Variants in RASGEF1A observed in about 807,000 individuals in gnomAD.
RASGEF1A encodes ras-GEF domain-containing family member 1A.
RASGEF1A carries 18 observed loss-of-function variants against 56.4 expected under a neutral mutation model. That is an observed-to-expected ratio of 0.32 (90% CI 0.22 to 0.47). The LOEUF (loss-of-function observed/expected upper bound fraction) is 0.47. Among genes scored for constraint, RASGEF1A ranks in the 20% least tolerant of loss-of-function variants. The probability of loss-of-function intolerance (pLI) is 1.00; values close to 1 mark genes in which losing one functional copy is unlikely to be tolerated. For missense variants in RASGEF1A, 422 were observed against 627.1 expected (o/e 0.67, Z 3.49); for synonymous variants, 245 against 242.6 (o/e 1.01, Z -0.09).
At chr10:43,207,612 C>A (rs988131238) in intron 1 of RASGEF1A, 40 of 985,502 alleles carry the variant, frequency 4.1e-5, no homozygotes, top group Middle Eastern at 5.2e-4. Context: ...AATGTCCAGG[C>A]CCCCAGGCTC....
At chr10:43,205,514 G>GC (rs1200725146) in intron 2 of RASGEF1A, among the ~76,000 whole-genome samples, 1 of 152,172 alleles carries the variant, frequency 6.6e-6, no homozygotes, top group Admixed American at 6.5e-5. Flanking sequence ...TCCCAGCTCA[G>GC]CCCTGGGCTC....
intron 1 of RASGEF1A, among the ~76,000 whole-genome samples, chr10:43,255,166 G>A (rs1439221093): frequency 6.6e-6 from 1 of 152,148 alleles, no homozygotes; most frequent in East Asian, 1.9e-4. Flanking sequence ...GGAATGCCCA[G>A]CAGGAAGGAC....
At chr10:43,237,228 G>A (rs192889677) in intron 1 of RASGEF1A, among the ~76,000 whole-genome samples, 3 of 152,170 alleles carry the variant, frequency 2.0e-5, no homozygotes, top group African/African-American at 7.2e-5. Flanking sequence ...ATGGAAATTG[G>A]AGGCACCAGT....
chr10:43,231,371 T>C (rs1222568983), intron 1 of RASGEF1A, among the ~76,000 whole-genome samples: 2 of 152,224 alleles, frequency 1.3e-5, no homozygotes, highest in African/African-American at 4.8e-5. Context: ...ACCGTAGCCC[T>C]GCAGAACATC....
intron 2 of RASGEF1A, among the ~76,000 whole-genome samples, chr10:43,205,175 G>C (rs370742288): frequency 9.1e-4 from 138 of 152,334 alleles, no homozygotes; most frequent in African/African-American, 3.1e-3. Context: ...TGACAAGCAG[G>C]GCAGGGAGGG....
intron 4 of RASGEF1A, 138 bp from the exon 5 acceptor site, chr10:43,201,026 A>G (rs2133181997): frequency 2.8e-6 from 2 of 722,508 alleles, no homozygotes; most frequent in East Asian, 5.3e-5. Flanking sequence ...CGCAGCCTTC[A>G]GGCCTTCAAG....
intron 1 of RASGEF1A, among the ~76,000 whole-genome samples, chr10:43,228,289 G>A (rs151090288): frequency 1.9e-4 from 29 of 152,056 alleles, no homozygotes; most frequent in African/African-American, 6.8e-4. Context: ...CTGTGCACAC[G>A]TCTCCTCTGG....
chr10:43,200,694 C>T lies in RASGEF1A; in HGVS notation c.654G>A (p.Leu218=). ...GCTCAATGTGAGTCAGCTGCTGGGCCAGCACCAGGGGGTCGCAGCACACGC... is the reference window on the plus strand; with the variant it reads ...GCTCAATGTGAGTCAGCTGCTGGGCTAGCACCAGGGGGTCGCAGCACACGC... ...ILGVCCDPLV[L]AQQLTHIELD... The change falls in exon 5 of 13, where the codon CTG becomes CTA. Residue 218 remains leucine, a synonymous_variant. Transcript: ENST00000395810. 1 of 1,613,076 alleles carries T rather than the reference C, an allele frequency of 6.2e-7. No individual in the cohort carries two copies. Among genetic ancestry groups the T allele is most frequent in the Non-Finnish European group, 8.5e-7 (1 of 1,180,010 alleles).
At chr10:43,247,250 G>T (rs770652353) in intron 1 of RASGEF1A, among the ~76,000 whole-genome samples, 9 of 152,210 alleles carry the variant, frequency 5.9e-5, no homozygotes, top group Non-Finnish European at 1.0e-4. Flanking sequence ...TAATAGAAAA[G>T]ACAGTAATAA....
intron 1 of RASGEF1A, 37 bp from the exon 2 acceptor site, chr10:43,206,159 C>T (rs751030478): frequency 2.1e-5 from 31 of 1,503,176 alleles, no homozygotes; most frequent in Middle Eastern, 4.5e-4. Context: ...GCATCAAAGG[C>T]GCCTCCACAG....
chr10:43,203,879 G>T, intron 2 of RASGEF1A: 2 of 751,154 alleles, frequency 2.7e-6, no homozygotes, highest in Non-Finnish European at 3.3e-6. Context: ...TCGGGAGCAG[G>T]GCTGATCCAT....
chr10:43,204,003 C>T (rs1421205927), intron 2 of RASGEF1A, among the ~76,000 whole-genome samples: 1 of 152,148 alleles, frequency 6.6e-6, no homozygotes, highest in Non-Finnish European at 1.5e-5. Flanking sequence ...CTCTGACCAG[C>T]TCTGGGCCTA....
chr10:43,199,556 G>T, intron 7 of RASGEF1A, 120 bp downstream of exon 7: 1 of 793,298 alleles, frequency 1.3e-6, no homozygotes, highest in Non-Finnish European at 2.1e-6. Context: ...CCCTGACAAT[G>T]CAACAGGGAC....
At chr10:43,205,775 G>A in intron 2 of RASGEF1A, 144 bp downstream of exon 2, 1 of 659,500 alleles carries the variant, frequency 1.5e-6, no homozygotes. Flanking sequence ...GGCCCTAGAG[G>A]TGGGCCTGGG....
chr10:43,241,160 C>T (rs539131256), intron 1 of RASGEF1A, among the ~76,000 whole-genome samples: 2 of 152,162 alleles, frequency 1.3e-5, no homozygotes, highest in Non-Finnish European at 2.9e-5. Flanking sequence ...GGTAACTTTA[C>T]TGGTTTTATA....
rs748467379 is a variant in RASGEF1A, at chr10:43,196,456, T to C, written c.1421+20A>G. Reference sequence around the variant, plus strand: ...CCTCCCTCTTCCTTACAGACTCCCATGTTCCTGACGCCCTCCTACCTGAGG... The same window carrying C: ...CCTCCCTCTTCCTTACAGACTCCCACGTTCCTGACGCCCTCCTACCTGAGG... On this transcript the variant is annotated intron_variant, in intron 12 of 12. Transcript: ENST00000395810. This position sits in a 1 kb window ranked among gnomAD's most constrained non-coding sequence, Gnocchi z 4.6. The C allele has an allele frequency of 1.0e-4, 169 of 1,611,812 alleles. No homozygotes were observed. The highest frequency in any genetic ancestry group is 1.4e-4 in the Non-Finnish European group (161 of 1,178,126).
intron 1 of RASGEF1A, among the ~76,000 whole-genome samples, chr10:43,238,196 A>C (rs1350966256): frequency 6.6e-5 from 10 of 151,504 alleles, no homozygotes; most frequent in South Asian, 2.1e-4. Flanking sequence ...TGTCGACTTA[A>C]AGGGGTCTTC....
chr10:43,247,457 C>T (rs912801441), intron 1 of RASGEF1A, among the ~76,000 whole-genome samples: 9 of 152,178 alleles, frequency 5.9e-5, no homozygotes, highest in Non-Finnish European at 8.8e-5. Context: ...AACTTGTGCA[C>T]AAATGTTCAC....
intron 2 of RASGEF1A, 55 bp from the exon 3 acceptor site, chr10:43,203,475 G>C: frequency 6.8e-7 from 1 of 1,464,524 alleles, no homozygotes; most frequent in Non-Finnish European, 9.1e-7. Flanking sequence ...GCCCCCGGGG[G>C]CTCACCGCGC....
Sources: allele counts gnomAD v4.1 joint callset (sites outside exome capture counted in the v4.1 genomes callset), GRCh38; gene constraint gnomAD v4.1.1; non-coding constraint Gnocchi (gnomAD v3.1); transcripts MANE v1.5; gene names NCBI Gene and HGNC (gene_info 2026-07-23, HGNC 2026-07-21).